Variants in CDH4 observed in about 807,000 individuals in gnomAD.
CDH4 encodes the protein cadherin 4.
In CDH4, 33 loss-of-function variants were observed where a neutral mutation model predicts 86.0. The observed-to-expected ratio is 0.38, with a 90% CI of 0.29 to 0.51. CDH4 has a LOEUF of 0.51. CDH4 is among the 20% of genes least tolerant of loss of function. CDH4 has a pLI of 0.86. For synonymous variants in CDH4, 555 were observed against 549.4 expected, an observed-to-expected ratio of 1.01 and a Z score of -0.14; for missense variants, 1,114 against 1,307.4, an observed-to-expected ratio of 0.85 and a Z score of 2.28.
At chr20:61,604,060 G>A (rs1010240023) in intron 2 of CDH4, among the ~76,000 whole-genome samples, 4 of 152,254 alleles carry the variant, frequency 2.6e-5, no homozygotes, top group East Asian at 1.9e-4. Context: ...GCTCCCTGCC[G>A]AGCCTCCCCT....
intron 2 of CDH4, among the ~76,000 whole-genome samples, chr20:61,723,972 TGTG>T (rs55745552): frequency 0.16 from 16,044 of 101,148 alleles, 3,652 homozygotes; most frequent in Middle Eastern, 0.29. Context: ...GGAGGCTCCA[TGTG>T]GCAGGGGGGT....
intron 2 of CDH4, among the ~76,000 whole-genome samples, chr20:61,396,691 C>T (rs1413873744): frequency 6.6e-6 from 1 of 152,160 alleles, no homozygotes; most frequent in Non-Finnish European, 1.5e-5. Flanking sequence ...CCACGTTTCT[C>T]GGCTCACAGT....
intron 2 of CDH4, among the ~76,000 whole-genome samples, chr20:61,614,682 C>G (rs1430291517): frequency 6.6e-6 from 1 of 152,032 alleles, no homozygotes; most frequent in Non-Finnish European, 1.5e-5. Context: ...AGAAAACACC[C>G]CAGAGAATGT....
chr20:61,553,599 A>G (rs1600753029), intron 2 of CDH4, among the ~76,000 whole-genome samples: 2 of 152,198 alleles, frequency 1.3e-5, no homozygotes, highest in East Asian at 3.9e-4. Context: ...GAATGCCTGC[A>G]CCCTGCTTTA....
chr20:61,924,300 G>A lies in CDH4; in HGVS notation c.1629-34G>A, dbSNP rs201718121. On this transcript the variant is annotated intron_variant, in intron 10 of 15. Transcript: ENST00000614565. ...TCCAGGGCAGCCCCGCCCACCCCCA[G>A]CCTTACCTCCCCCTGCACTTGTGGT... 137 of 1,045,040 alleles carry A rather than the reference G, an allele frequency of 1.3e-4. No individual in the cohort carries two copies. In the African/African-American group the frequency reaches 1.7e-3, roughly 13 times the overall value. The allele number at this position is 1,045,040 out of a possible 1,614,324, so 64.7% of individuals were successfully genotyped here.
chr20:61,257,356 A>G (rs2123114529), intron 2 of CDH4, among the ~76,000 whole-genome samples: 1 of 152,366 alleles, frequency 6.6e-6, no homozygotes, highest in East Asian at 1.9e-4. Flanking sequence ...TTATGTCTAA[A>G]TGAAAAGCAT....
At chr20:61,473,653 A>G (rs2085518342) in intron 2 of CDH4, among the ~76,000 whole-genome samples, 1 of 152,220 alleles carries the variant, frequency 6.6e-6, no homozygotes, top group African/African-American at 2.4e-5. Flanking sequence ...AAAATATGCT[A>G]TGGAGAATAA....
At chr20:61,545,664 G>A (rs894301299) in intron 2 of CDH4, among the ~76,000 whole-genome samples, 5 of 152,216 alleles carry the variant, frequency 3.3e-5, no homozygotes, top group East Asian at 1.9e-4. Context: ...CAAGAGAACC[G>A]GAGGCTTTGG....
chr20:61,442,279 A>G (rs2085318473), intron 2 of CDH4, among the ~76,000 whole-genome samples: 1 of 152,206 alleles, frequency 6.6e-6, no homozygotes, highest in African/African-American at 2.4e-5. Context: ...GAAGGGCCGC[A>G]TCACACCGGG....
intron 2 of CDH4, among the ~76,000 whole-genome samples, chr20:61,421,078 G>A (rs1365183592): frequency 6.6e-6 from 1 of 152,236 alleles, no homozygotes; most frequent in Non-Finnish European, 1.5e-5. Context: ...CATTTCTATG[G>A]AGCTAAAGAC....
At chr20:61,400,170 C>A (rs2085041972) in intron 2 of CDH4, among the ~76,000 whole-genome samples, 1 of 152,188 alleles carries the variant, frequency 6.6e-6, no homozygotes, top group South Asian at 2.1e-4. Context: ...GCCCCCAGGT[C>A]TTCGGGGGGC....
chr20:61,715,391 C>T (rs955237891), intron 2 of CDH4, among the ~76,000 whole-genome samples: 3 of 152,150 alleles, frequency 2.0e-5, no homozygotes, highest in Non-Finnish European at 4.4e-5. Context: ...GTTCTGGAGG[C>T]TGGGAAGTCT....
intron 2 of CDH4, among the ~76,000 whole-genome samples, chr20:61,692,080 GAT>G (rs1235826947): frequency 6.6e-6 from 1 of 151,862 alleles, no homozygotes; most frequent in African/African-American, 2.4e-5. Flanking sequence ...GAGGGGTAAA[GAT>G]GTGTGTGTGT....
At chr20:61,872,513 C>T (rs560138657) in intron 6 of CDH4, among the ~76,000 whole-genome samples, 7 of 152,100 alleles carry the variant, frequency 4.6e-5, no homozygotes, top group South Asian at 2.1e-4. Flanking sequence ...GCACCTGGCC[C>T]GCCGCATGAC....
At chr20:61,818,012 ACTTT>A (rs1298700029) in intron 4 of CDH4, among the ~76,000 whole-genome samples, 1 of 150,634 alleles carries the variant, frequency 6.6e-6, no homozygotes, top group Non-Finnish European at 1.5e-5. Context: ...TGTCACCTGC[ACTTT>A]CTTTTTTTTT....
At position 61,309,731 on chromosome 20, in the gene CDH4, T is replaced by C. The variant is rs939606723; in HGVS notation, c.169+54794T>C. On this transcript the variant is annotated intron_variant, in intron 2 of 15. Transcript: ENST00000614565. ...AACAGTATAAAGACTAATTTGTAGA[T>C]TCCCTTGTCCTTTAATTCCACAAAA... is the stretch of plus-strand genomic sequence containing the variant. Among the ~76,000 whole-genome samples the C allele has an allele frequency of 2.0e-4, 31 of 152,174 alleles. 1 individual carries two copies. The highest frequency in any genetic ancestry group is 7.5e-4 in the African/African-American group (31 of 41,436).
At chr20:61,742,104 C>T (rs1358123917) in intron 2 of CDH4, among the ~76,000 whole-genome samples, 1 of 151,076 alleles carries the variant, frequency 6.6e-6, no homozygotes. Flanking sequence ...ACTATAAAAG[C>T]AGTTTGGAAT....
chr20:61,688,211 G>T (rs1246251232), intron 2 of CDH4, among the ~76,000 whole-genome samples: 1 of 151,982 alleles, frequency 6.6e-6, no homozygotes, highest in Non-Finnish European at 1.5e-5. Context: ...TCTTCCACGG[G>T]TTTGTCTTTC....
intron 2 of CDH4, among the ~76,000 whole-genome samples, chr20:61,569,456 C>T (rs1177863663): frequency 2.0e-5 from 3 of 152,142 alleles, no homozygotes; most frequent in African/African-American, 4.8e-5. Flanking sequence ...TCTCTGTCTC[C>T]CCTTTCTCTC....
Sources: allele counts gnomAD v4.1 joint callset (sites outside exome capture counted in the v4.1 genomes callset), GRCh38; gene constraint gnomAD v4.1.1; transcripts MANE v1.5; gene names NCBI Gene and HGNC (gene_info 2026-07-23, HGNC 2026-07-21).